GAB4: variants seen among roughly 807,000 people sequenced by gnomAD.
GAB4 encodes the protein GRB2 associated binding protein family member 4.
A neutral mutation model predicts 51.3 loss-of-function variants in GAB4; 26 were observed. The observed-to-expected ratio is 0.51, with a 90% CI of 0.37 to 0.70. GAB4 has a LOEUF of 0.70. GAB4 is among the 30% of genes least tolerant of loss of function. The pLI is 0.00. For missense variants in GAB4, 759 were observed against 734.6 expected (o/e 1.03, Z -0.38); for synonymous variants, 329 against 291.2 (o/e 1.13, Z -1.32).
rs562497216 is a variant in GAB4 at position 16,974,478 on chromosome 22, C to T, written c.687-4285G>A. Among the ~76,000 whole-genome samples, 3 of 152,314 alleles carry T rather than the reference C, an allele frequency of 2.0e-5. No individual in the cohort carries two copies. In the South Asian group the frequency reaches 6.2e-4, roughly 32 times the overall value. On this transcript the variant is annotated intron_variant, in intron 3 of 9. Coordinates refer to ENST00000400588, the MANE Select transcript of GAB4 (RefSeq NM_001037814.1). ...TCAACAAGCAGTTTGGGAGTAAACA[C>T]TCACTCCAGCCAGCAGCGCAGTGCA...
chr22:16,975,360 G>A (rs767706640), intron 3 of GAB4, among the ~76,000 whole-genome samples: 19 of 152,176 alleles, frequency 1.2e-4, no homozygotes, highest in South Asian at 2.1e-4. Flanking sequence ...ATGAATAGGC[G>A]GTTTTCCCCT....
intron 7 of GAB4, 61 bp from the exon 8 acceptor site, chr22:16,964,923 T>C: frequency 7.9e-7 from 1 of 1,272,416 alleles, no homozygotes; most frequent in Non-Finnish European, 1.1e-6. Flanking sequence ...CTGTCAGGGC[T>C]CCAGCCTCCA....
chr22:16,978,221 C>CA (rs1162163116), intron 3 of GAB4, among the ~76,000 whole-genome samples: 2 of 152,016 alleles, frequency 1.3e-5, no homozygotes, highest in African/African-American at 2.4e-5. Context: ...AAAAAACCTT[C>CA]AAAAAATCGA....
At chr22:17,000,817 C>G (rs1207210366) in intron 1 of GAB4, among the ~76,000 whole-genome samples, 1 of 152,098 alleles carries the variant, frequency 6.6e-6, no homozygotes, top group Non-Finnish European at 1.5e-5. Flanking sequence ...TTCAGGAGCT[C>G]TTGTAAGGAA....
At chr22:16,968,726 G>T (rs1450669290) in intron 4 of GAB4, among the ~76,000 whole-genome samples, 1 of 152,120 alleles carries the variant, frequency 6.6e-6, no homozygotes, top group Non-Finnish European at 1.5e-5. Context: ...TCTGCATGTC[G>T]GTTTCATTTT....
intron 3 of GAB4, among the ~76,000 whole-genome samples, chr22:16,985,046 G>A (rs146145825): frequency 0.017 from 2,634 of 152,290 alleles, 43 homozygotes; most frequent in Middle Eastern, 0.031. Flanking sequence ...TTACCTCCCA[G>A]GGTCTTTGGG....
chr22:16,980,688 C>T (rs1218161193), intron 3 of GAB4, among the ~76,000 whole-genome samples: 4 of 152,178 alleles, frequency 2.6e-5, no homozygotes, highest in Admixed American at 1.3e-4. Context: ...AATCATTCTA[C>T]TATAAAGACA....
intron 3 of GAB4, among the ~76,000 whole-genome samples, chr22:16,986,305 C>T (rs149553892): frequency 3.2e-3 from 489 of 152,268 alleles, no homozygotes; most frequent in African/African-American, 0.011. Context: ...AGGTGTTCCA[C>T]GTGCATGTGA....
At chr22:16,987,596 T>C (rs1261913052) in intron 3 of GAB4, among the ~76,000 whole-genome samples, 1 of 152,236 alleles carries the variant, frequency 6.6e-6, no homozygotes, top group Non-Finnish European at 1.5e-5. Flanking sequence ...GATCTGGTCA[T>C]CAATCTTAAG....
In GAB4 at chr22:17,008,188, G is replaced by A. The variant is rs1250691886; in HGVS notation, c.-74C>T. The A allele has an allele frequency of 2.8e-6, 3 of 1,066,770 alleles. No homozygotes were observed. The highest frequency in any genetic ancestry group is 1.6e-5 in the African/African-American group (1 of 64,292). The allele number at this position is 1,066,770 out of a possible 1,614,324, so 66.1% of individuals were successfully genotyped here. On this transcript the variant is annotated 5_prime_UTR_variant, in exon 1 of 10. Transcript: ENST00000400588. ...TTGCTGGAGGTGGGGTGTGAGGGACGGCTTGCGATACCCTGGGACTGCGGG... is the reference window on the plus strand; with the variant it reads ...TTGCTGGAGGTGGGGTGTGAGGGACAGCTTGCGATACCCTGGGACTGCGGG...
intron 1 of GAB4, among the ~76,000 whole-genome samples, chr22:16,997,710 T>C (rs1353971233): frequency 6.6e-6 from 1 of 152,168 alleles, no homozygotes; most frequent in African/African-American, 2.4e-5. Flanking sequence ...ATGAAGTCCT[T>C]GCCCTTGCCC....
At chr22:16,970,269 T>C (rs944525638) in intron 3 of GAB4, 76 bp from the exon 4 acceptor site, 6 of 1,522,368 alleles carry the variant, frequency 3.9e-6, no homozygotes, top group Non-Finnish European at 5.4e-6. Flanking sequence ...GCGGGGAAGT[T>C]CACAGCCCAA....
intron 8 of GAB4, 65 bp from the exon 9 acceptor site, chr22:16,963,894 C>T: frequency 7.7e-7 from 1 of 1,292,066 alleles, no homozygotes. Context: ...CCCAGTGGAA[C>T]ACACCTGTGG....
chr22:16,983,851 T>TAGAAGAAAACATTG (rs2060845496), intron 3 of GAB4, among the ~76,000 whole-genome samples: 1 of 152,150 alleles, frequency 6.6e-6, no homozygotes, highest in Non-Finnish European at 1.5e-5. Context: ...ATGAAACATG[T>TAGAAGAAAACATTG]AGAAGAAAAC....
chr22:16,993,866 G>A (rs781623999), intron 1 of GAB4, among the ~76,000 whole-genome samples: 13 of 151,940 alleles, frequency 8.6e-5, no homozygotes, highest in Admixed American at 3.3e-4. Context: ...CACCTGATCC[G>A]CCTCCACACC....
chr22:16,978,788 T>C (rs1338415192), intron 3 of GAB4, among the ~76,000 whole-genome samples: 2 of 152,144 alleles, frequency 1.3e-5, no homozygotes, highest in Non-Finnish European at 2.9e-5. Flanking sequence ...CTCAATAAAA[T>C]ACTGGCAAAT....
At chr22:16,979,093 C>G (rs2060805472) in intron 3 of GAB4, among the ~76,000 whole-genome samples, 1 of 152,164 alleles carries the variant, frequency 6.6e-6, no homozygotes, top group Non-Finnish European at 1.5e-5. Flanking sequence ...TGGGCAAAAG[C>G]TGGAAGCATT....
At chr22:16,965,880 A>G (rs117522017) in intron 6 of GAB4, among the ~76,000 whole-genome samples, 2 of 152,258 alleles carry the variant, frequency 1.3e-5, no homozygotes, top group East Asian at 3.9e-4. Flanking sequence ...ACTTCACTGG[A>G]CACCTGCTGT....
chr22:16,968,220 G>T, intron 5 of GAB4, 78 bp downstream of exon 5: 2 of 980,916 alleles, frequency 2.0e-6, no homozygotes, highest in Non-Finnish European at 3.3e-6. Flanking sequence ...CCCTTTGGGG[G>T]ATGTGCTTTT....
Sources: gnomAD v4.1 joint callset for allele counts (sites outside exome capture counted in the v4.1 genomes callset) on GRCh38, gnomAD v4.1.1 for gene constraint, MANE v1.5 for transcripts, NCBI Gene and HGNC (gene_info 2026-07-23, HGNC 2026-07-21) for gene names.